Variants in UNCX observed in about 807,000 individuals in gnomAD.
UNCX encodes UNC homeobox, also known as homeobox protein unc-4 homolog.
UNCX carries 4 observed loss-of-function variants against 14.8 expected under a neutral mutation model. The observed-to-expected ratio is 0.27, with a 90% confidence interval of 0.13 to 0.62. The LOEUF (loss-of-function observed/expected upper bound fraction) is 0.62, where lower values mean the gene tolerates loss of function less well. UNCX is among the 20% of genes least tolerant of loss of function. The pLI, the probability that UNCX is intolerant of heterozygous loss-of-function variation, is 0.86. For missense variants in UNCX, 749 were observed against 786.8 expected (o/e 0.95, Z 0.58); for synonymous variants, 459 against 395.8 (o/e 1.16, Z -1.90).
Position 1,235,751 on chromosome 7 carries a change from G to T in UNCX, c.451-81G>T, listed in dbSNP as rs999574302. 8.8e-5 allele frequency: 117 copies of T among 1,328,552 alleles called. 1 individual carries two copies. The highest frequency in any genetic ancestry group is 1.1e-4 in the Non-Finnish European group (103 of 963,368). The allele number at this position is 1,328,552 out of a possible 1,614,324, so 82.3% of individuals were successfully genotyped here. The stretch of plus-strand genomic sequence containing the variant: ...AGCGGAGGTTGTGCAGGCCCCTCTG[G>T]GGGGAGCGGGGAGGTCCTCGGCCCC... On this transcript the variant is annotated intron_variant, in intron 2 of 2. Transcript: ENST00000316333.
chr7:1,233,328 G>A lies in UNCX; in HGVS notation c.274+37G>A. On this transcript the variant is annotated intron_variant, in intron 1 of 2. Transcript: ENST00000316333. The surrounding 1 kb of genome is among the most constrained non-coding windows in gnomAD (Gnocchi z 5.3). ...GGGCGGGAGGGCGGGGAGGAGTGCGGCTGGGGGCGGGGGCCCTGGTCCGGC... is the reference window on the plus strand; with the variant it reads ...GGGCGGGAGGGCGGGGAGGAGTGCGACTGGGGGCGGGGGCCCTGGTCCGGC... The A allele has an allele frequency of 7.6e-7, 1 of 1,321,030 alleles. No homozygotes were observed. The highest frequency in any genetic ancestry group is 1.5e-5 in the African/African-American group (1 of 64,520). The allele number at this position is 1,321,030 out of a possible 1,614,324, so 81.8% of individuals were successfully genotyped here. A position where few individuals can be genotyped will look rare whatever the true frequency, so the allele number is the denominator to read the frequency against.
Position 1,236,099 on chromosome 7 carries a change from G to T in UNCX, c.718G>T (p.Gly240Cys). Residue 240 changes from glycine to cysteine, a missense_variant, in exon 3 of 3, where the codon GGC becomes TGC. Gly to Cys is a radical substitution (Grantham distance 159). Transcript: ENST00000316333. The surrounding 1 kb of genome is among the most constrained non-coding windows in gnomAD (Gnocchi z 6.9). ...CAGCTCCGACAGCGACAGCGGCGGC[G>T]GCGGCCTGTCTCCGGAGCCGCCCGA... is the stretch of plus-strand genomic sequence containing the variant. Reference protein sequence around the residue: ...APSSDSDSGGGGLSPEPPEPP... With the variant: ...APSSDSDSGGCGLSPEPPEPP... The T allele has an allele frequency of 2.0e-6, 3 of 1,520,088 alleles. No individual in the cohort carries two copies. The highest frequency in any genetic ancestry group is 2.7e-6 in the Non-Finnish European group (3 of 1,132,060). 94.2% of individuals were successfully genotyped at this position (1,520,088 alleles called of 1,614,324 possible).
In UNCX at chr7:1,236,372, C is replaced by T. The variant is rs1430476995; in HGVS notation, c.991C>T (p.Pro331Ser). The change falls in exon 3 of 3, where the codon CCA becomes TCA. Residue 331 changes from proline (P) to serine (S), a missense_variant. Pro to Ser is a moderately conservative substitution (Grantham distance 74). Around this residue, in one of 3 missense-constraint regions of UNCX, gnomAD observed 552 missense variants for 507.2 expected, o/e 1.09. Transcript: ENST00000316333. This position sits in a 1 kb window ranked among gnomAD's most constrained non-coding sequence, Gnocchi z 6.9. Reference sequence around the variant, plus strand: ...CGCCGCGGGGCTGCCCAAGGCCAGCCCATTCAGCGTGGAGAGCCTCCTGTC... The same window carrying T: ...CGCCGCGGGGCTGCCCAAGGCCAGCTCATTCAGCGTGGAGAGCCTCCTGTC... ...RGAAGLPKAS[P>S]FSVESLLSDS... 2 of 1,358,396 alleles carry T rather than the reference C, an allele frequency of 1.5e-6. No homozygotes were observed. Among genetic ancestry groups the T allele is most frequent in the African/African-American group, 1.6e-5 (1 of 64,266 alleles). 84.1% of individuals were successfully genotyped at this position (1,358,396 alleles called of 1,614,324 possible). A position where few individuals can be genotyped will look rare whatever the true frequency, so the allele number is the denominator to read the frequency against.
chr7:1,237,133 A>G lies in UNCX; in HGVS notation c.*156A>G. 2.8e-6 allele frequency: 2 copies of G among 707,590 alleles called. No homozygotes were observed. The highest frequency in any genetic ancestry group is 3.6e-6 in the Non-Finnish European group (2 of 561,114). 43.8% of individuals were successfully genotyped at this position (707,590 alleles called of 1,614,324 possible). A position where few individuals can be genotyped will look rare whatever the true frequency, so the allele number is the denominator to read the frequency against. ...ATTATTTTTTTTAAGAGTAAACGAA[A>G]GTGCTGTATGAATTCGGACCCAGGC... On this transcript the variant is annotated 3_prime_UTR_variant, in exon 3 of 3. Transcript: ENST00000316333. The surrounding 1 kb of genome is among the most constrained non-coding windows in gnomAD (Gnocchi z 5.8).
Position 1,236,848 on chromosome 7 carries a change from C to G in UNCX, c.1467C>G (p.Pro489=), listed in dbSNP as rs1482459582. The change falls in exon 3 of 3, where the codon CCC becomes CCG. Residue 489 remains proline, a synonymous_variant. Coordinates refer to ENST00000316333, the MANE Select transcript of UNCX (RefSeq NM_001080461.3). This position sits in a 1 kb window ranked among gnomAD's most constrained non-coding sequence, Gnocchi z 6.9. ...CCGCCGGCCCCGCGCCCCCGCCGCC[C>G]GCGCCGTCGCCCAGGCCCGGCCCTC... The part of the protein sequence containing the change: ...AGTAGPAPPP[P]APSPRPGPRP... 4 of 1,002,146 alleles carry G rather than the reference C, an allele frequency of 4.0e-6. No individual in the cohort carries two copies. Among genetic ancestry groups the G allele is most frequent in the Non-Finnish European group, 4.7e-6 (4 of 842,846 alleles). The allele number at this position is 1,002,146 out of a possible 1,614,324, so 62.1% of individuals were successfully genotyped here.
In UNCX at chr7:1,233,120, G is replaced by A. The variant is rs1178405806; in HGVS notation, c.103G>A (p.Glu35Lys). Residue 35 changes from glutamate to lysine, a missense_variant, in exon 1 of 3, where the codon GAG (glutamate) becomes AAG (lysine). Coordinates refer to ENST00000316333, the MANE Select transcript of UNCX (RefSeq NM_001080461.3). The surrounding 1 kb of genome is among the most constrained non-coding windows in gnomAD (Gnocchi z 5.3). The part of the protein sequence containing the change: ...PYPLGHHHVY[E>K]LAGHQLQSAA... ...CCCGCTGGGCCACCACCACGTGTAC[G>A]AGCTGGCCGGGCACCAGCTGCAGTC... 1.2e-5 allele frequency: 18 copies of A among 1,465,022 alleles called. No individual in the cohort carries two copies. In the East Asian group the frequency reaches 2.1e-4, roughly 17 times the overall value. The allele number at this position is 1,465,022 out of a possible 1,614,324, so 90.8% of individuals were successfully genotyped here.
rs1251420859 is a variant in UNCX at position 1,233,674 on chromosome 7, C to T, written c.429C>T (p.Asp143=). The change falls in exon 2 of 3, where the codon GAC becomes GAT. Residue 143 remains aspartate (D), a synonymous_variant. Transcript: ENST00000316333. The surrounding 1 kb of genome is among the most constrained non-coding windows in gnomAD (Gnocchi z 5.3). ...FMREALALRL[D]LVESRVQVWF... ...GCGAGGCGCTGGCGCTGCGCCTAGA[C>T]CTGGTCGAGTCCCGAGTTCAGGTAA... 6.2e-7 allele frequency: 1 copy of T among 1,606,894 alleles called. No individual in the cohort carries two copies. The highest frequency in any genetic ancestry group is 1.3e-5 in the African/African-American group (1 of 74,312).
At position 1,232,945 on chromosome 7, in the gene UNCX, C is replaced by A; in HGVS notation, c.-73C>A. On this transcript the variant is annotated 5_prime_UTR_variant, in exon 1 of 3. Coordinates refer to ENST00000316333, the MANE Select transcript of UNCX (RefSeq NM_001080461.3). ...CTCCGCCGCCGCCGCCCGCGCCTCC[C>A]GCCGCTGGCCCGCCCCGGCCCCGGC... 1.3e-6 allele frequency: 1 copy of A among 789,118 alleles called. No homozygotes were observed. The highest frequency in any genetic ancestry group is 1.5e-6 in the Non-Finnish European group (1 of 654,788). 48.9% of individuals were successfully genotyped at this position (789,118 alleles called of 1,614,324 possible).
intron 2 of UNCX, among the ~76,000 whole-genome samples, chr7:1,235,021 C>T (rs974527628): frequency 6.6e-6 from 1 of 152,174 alleles, no homozygotes; most frequent in African/African-American, 2.4e-5. Context: ...GTAGCGCTGC[C>T]GTCCCCGGAT....
Position 1,236,672 on chromosome 7 carries a change from C to T in UNCX, c.1291C>T (p.Pro431Ser). 1 of 1,011,182 alleles carries T rather than the reference C, an allele frequency of 9.9e-7. No individual in the cohort carries two copies. Among genetic ancestry groups the T allele is most frequent in the Non-Finnish European group, 1.2e-6 (1 of 849,446 alleles). The allele number at this position is 1,011,182 out of a possible 1,614,324, so 62.6% of individuals were successfully genotyped here. Residue 431 changes from proline (P) to serine (S), a missense_variant, in exon 3 of 3, where the codon CCC becomes TCC. Pro to Ser is a moderately conservative substitution (Grantham distance 74). Transcript: ENST00000316333. This position sits in a 1 kb window ranked among gnomAD's most constrained non-coding sequence, Gnocchi z 6.9. ...AQASFGAFSG[P>S]GGAPDSAFAR... is the part of the protein sequence containing the mutation. Reference sequence around the variant, plus strand: ...GGCCAGTTTCGGGGCCTTCTCGGGGCCCGGCGGCGCCCCGGACTCGGCCTT... The same window carrying T: ...GGCCAGTTTCGGGGCCTTCTCGGGGTCCGGCGGCGCCCCGGACTCGGCCTT...
Position 1,232,969 on chromosome 7 carries a change from G to GCCCGCGCC in UNCX, c.-38_-31dup, listed in dbSNP as rs926092492. The GCCCGCGCC allele has an allele frequency of 1.0e-6, 1 of 989,962 alleles. No individual in the cohort carries two copies. Among genetic ancestry groups the GCCCGCGCC allele is most frequent in the African/African-American group, 1.8e-5 (1 of 56,560 alleles). 61.3% of individuals were successfully genotyped at this position (989,962 alleles called of 1,614,324 possible). On this transcript the variant is annotated 5_prime_UTR_variant, in exon 1 of 3. Transcript: ENST00000316333. ...CCGCCGCTGGCCCGCCCCGGCCCCG[G>GCCCGCGCC]CCCGCGCCCCCGCGCCCCGCCACCG... is the stretch of plus-strand genomic sequence containing the variant.
intron 2 of UNCX, among the ~76,000 whole-genome samples, chr7:1,235,094 C>A (rs975405727): frequency 2.6e-5 from 4 of 152,244 alleles, no homozygotes; most frequent in African/African-American, 9.6e-5. Context: ...ATGGGCCCAG[C>A]CTCTCCTTCC....
In UNCX at chr7:1,236,409, C is replaced by A. The variant is rs770277927; in HGVS notation, c.1028C>A (p.Pro343Gln). The A allele has an allele frequency of 1.5e-6, 2 of 1,370,112 alleles. No homozygotes were observed. Among genetic ancestry groups the A allele is most frequent in the South Asian group, 2.9e-5 (2 of 67,928 alleles). The allele number at this position is 1,370,112 out of a possible 1,614,324, so 84.9% of individuals were successfully genotyped here. A position where few individuals can be genotyped will look rare whatever the true frequency, so the allele number is the denominator to read the frequency against. ...SVESLLSDSP[P>Q]RRKAASNAAA... The stretch of plus-strand genomic sequence containing the variant: ...GAGAGCCTCCTGTCCGACTCGCCGC[C>A]GCGCCGGAAAGCCGCTTCCAACGCC... Residue 343 changes from proline (P) to glutamine (Q), a missense_variant, in exon 3 of 3, where the codon CCG becomes CAG. By Grantham distance (76) the Pro-to-Gln change is moderately conservative (BLOSUM62 -1). Around this residue, in one of 3 missense-constraint regions of UNCX, gnomAD observed 552 missense variants for 507.2 expected, o/e 1.09. Coordinates refer to ENST00000316333, the MANE Select transcript of UNCX (RefSeq NM_001080461.3). This position sits in a 1 kb window ranked among gnomAD's most constrained non-coding sequence, Gnocchi z 6.9.
In UNCX at chr7:1,236,630, C is replaced by T; in HGVS notation, c.1249C>T (p.Pro417Ser). ...KDAPPAPAVPPAPPAQASFGA... is the reference protein window; with the variant it reads ...KDAPPAPAVPSAPPAQASFGA... Reference sequence around the variant, plus strand: ...CGCGCCGCCCGCGCCCGCCGTGCCGCCCGCGCCGCCTGCCCAGGCCAGTTT... The same window carrying T: ...CGCGCCGCCCGCGCCCGCCGTGCCGTCCGCGCCGCCTGCCCAGGCCAGTTT... The change falls in exon 3 of 3, where the codon CCC becomes TCC. Residue 417 changes from proline to serine, a missense_variant. Pro to Ser is a moderately conservative substitution (Grantham distance 74, BLOSUM62 -1). Coordinates refer to ENST00000316333, the MANE Select transcript of UNCX (RefSeq NM_001080461.3). This position sits in a 1 kb window ranked among gnomAD's most constrained non-coding sequence, Gnocchi z 6.9. The T allele has an allele frequency of 1.9e-6, 2 of 1,057,330 alleles. No individual in the cohort carries two copies. The highest frequency in any genetic ancestry group is 2.3e-6 in the Non-Finnish European group (2 of 882,550). 65.5% of individuals were successfully genotyped at this position (1,057,330 alleles called of 1,614,324 possible).
Position 1,237,099 on chromosome 7 carries a change from CTTTCT to C in UNCX, c.*126_*130del. On this transcript the variant is annotated 3_prime_UTR_variant, in exon 3 of 3. Coordinates refer to ENST00000316333, the MANE Select transcript of UNCX (RefSeq NM_001080461.3). The surrounding 1 kb of genome is among the most constrained non-coding windows in gnomAD (Gnocchi z 5.8). ...GCTTTCCCTTCTTTTCTTTTGTTTT[CTTTCT>C]TTTATTATTTTTTTTAAGAGTAAAC... is the stretch of plus-strand genomic sequence containing the variant. 1.1e-6 allele frequency: 1 copy of C among 897,808 alleles called. No homozygotes were observed. Among genetic ancestry groups the C allele is most frequent in the Non-Finnish European group, 1.4e-6 (1 of 735,616 alleles). The allele number at this position is 897,808 out of a possible 1,614,324, so 55.6% of individuals were successfully genotyped here. A position where few individuals can be genotyped will look rare whatever the true frequency, so the allele number is the denominator to read the frequency against.
Position 1,233,392 on chromosome 7 carries a change from G to A in UNCX, c.274+101G>A. 3.7e-6 allele frequency: 5 copies of A among 1,354,060 alleles called. No individual in the cohort carries two copies. The South Asian group carries it at 8.5e-5, about 23-fold the overall frequency. 83.9% of individuals were successfully genotyped at this position (1,354,060 alleles called of 1,614,324 possible). ...GGCCCGGGGCTGGCGAAGGAGAGCC[G>A]GCTCCTAGGCGGCCGTCTCTGCGCC... is the stretch of plus-strand genomic sequence containing the variant. On this transcript the variant is annotated intron_variant, in intron 1 of 2. Transcript: ENST00000316333. The surrounding 1 kb of genome is among the most constrained non-coding windows in gnomAD (Gnocchi z 5.3).
rs1204476252 is a variant in UNCX at position 1,233,422 on chromosome 7, C to T, written c.275-98C>T. The T allele has an allele frequency of 4.4e-6, 6 of 1,378,392 alleles. No individual in the cohort carries two copies. Among genetic ancestry groups the T allele is most frequent in the African/African-American group, 3.1e-5 (2 of 64,842 alleles). 85.4% of individuals were successfully genotyped at this position (1,378,392 alleles called of 1,614,324 possible). On this transcript the variant is annotated intron_variant, in intron 1 of 2. Transcript: ENST00000316333. The surrounding 1 kb of genome is among the most constrained non-coding windows in gnomAD (Gnocchi z 5.3). ...CTAGGCGGCCGTCTCTGCGCCCCCC[C>T]CCCCGGATCCAGGCGGCCAGCGGGT...
chr7:1,236,539 G>A lies in UNCX; in HGVS notation c.1158G>A (p.Pro386=). ...TCCTCCTCTACCCCATCACGCAGCCGCTCGGCTTCCTGGTGCCGCAGGCCG... is the reference window on the plus strand; with the variant it reads ...TCCTCCTCTACCCCATCACGCAGCCACTCGGCTTCCTGGTGCCGCAGGCCG... The part of the protein sequence containing the change: ...GHFLLYPITQ[P]LGFLVPQAAL... The change falls in exon 3 of 3, where the codon CCG becomes CCA. Residue 386 remains proline, a synonymous_variant. Transcript: ENST00000316333. The surrounding 1 kb of genome is among the most constrained non-coding windows in gnomAD (Gnocchi z 6.9). 2 of 1,385,702 alleles carry A rather than the reference G, an allele frequency of 1.4e-6. No homozygotes were observed. The highest frequency in any genetic ancestry group is 1.9e-6 in the Non-Finnish European group (2 of 1,061,128). The allele number at this position is 1,385,702 out of a possible 1,614,324, so 85.8% of individuals were successfully genotyped here.
At position 1,236,743 on chromosome 7, in the gene UNCX, C is replaced by T. The variant is rs1778751281; in HGVS notation, c.1362C>T (p.Ala454=). The T allele has an allele frequency of 1.0e-6, 1 of 989,984 alleles. No homozygotes were observed. Among genetic ancestry groups the T allele is most frequent in the Non-Finnish European group, 1.2e-6 (1 of 834,450 alleles). 61.3% of individuals were successfully genotyped at this position (989,984 alleles called of 1,614,324 possible). A position where few individuals can be genotyped will look rare whatever the true frequency, so the allele number is the denominator to read the frequency against. Residue 454 remains alanine (A), a synonymous_variant, in exon 3 of 3, where the codon GCC becomes GCT. Coordinates refer to ENST00000316333, the MANE Select transcript of UNCX (RefSeq NM_001080461.3). The surrounding 1 kb of genome is among the most constrained non-coding windows in gnomAD (Gnocchi z 6.9). ...PDAVASPGAP[A]PAPAPFRDLA... is the part of the protein sequence containing the mutation. ...CCGTCGCCTCCCCGGGGGCCCCAGC[C>T]CCGGCCCCGGCGCCTTTCCGGGACC...
Sources: gnomAD v4.1 joint callset for allele counts (sites outside exome capture counted in the v4.1 genomes callset) on GRCh38, gnomAD v4.1.1 for gene constraint, gnomAD v4.1.1 regional missense constraint, Gnocchi (gnomAD v3.1) non-coding constraint, MANE v1.5 for transcripts, NCBI Gene and HGNC (gene_info 2026-07-23, HGNC 2026-07-21) for gene names.